Variants in CLEC16A observed in about 807,000 individuals in gnomAD.
The protein encoded by CLEC16A is protein CLEC16A.
A neutral mutation model predicts 109.5 loss-of-function variants in CLEC16A; 51 were observed. The observed-to-expected ratio is 0.47, with a 90% CI of 0.37 to 0.59. The LOEUF is 0.59. CLEC16A is among the 20% of genes least tolerant of loss of function. The pLI, the probability that CLEC16A is intolerant of heterozygous loss-of-function variation, is 0.00. For synonymous variants in CLEC16A, 673 were observed against 564.2 expected, an observed-to-expected ratio of 1.19 and a Z score of -2.73; for missense variants, 1,339 against 1,394.0, an observed-to-expected ratio of 0.96 and a Z score of 0.63.
At chr16:11,027,732 C>T (rs192008310) in intron 13 of CLEC16A, 33 of 1,568,214 alleles carry the variant, frequency 2.1e-5, no homozygotes, top group Middle Eastern at 2.3e-4. Context: ...TCGGGGTGAA[C>T]GCATCAATCA....
chr16:10,976,464 C>A (rs764631529), intron 7 of CLEC16A, among the ~76,000 whole-genome samples: 1 of 151,430 alleles, frequency 6.6e-6, no homozygotes, highest in South Asian at 2.1e-4. Flanking sequence ...GGTTATAAGT[C>A]CCAAAATGTT....
intron 19 of CLEC16A, among the ~76,000 whole-genome samples, chr16:11,077,903 G>C (rs938412048): frequency 6.6e-6 from 1 of 151,936 alleles, no homozygotes; most frequent in Non-Finnish European, 1.5e-5. Context: ...CGGATCACTT[G>C]AGGCTAGGAG....
intron 17 of CLEC16A, chr16:11,047,745 G>T (rs1028731686): frequency 1.7e-4 from 26 of 153,678 alleles, no homozygotes; most frequent in Admixed American, 4.6e-4. Flanking sequence ...ATACTGCTAC[G>T]CAGAAATACC....
intron 10 of CLEC16A, among the ~76,000 whole-genome samples, chr16:10,989,949 G>A (rs138636058): frequency 7.2e-5 from 11 of 152,326 alleles, no homozygotes; most frequent in Admixed American, 1.3e-4. Context: ...AGGCAGGATA[G>A]CACCCCTTCC....
intron 19 of CLEC16A, among the ~76,000 whole-genome samples, chr16:11,077,518 G>A (rs578129733): frequency 1.3e-5 from 2 of 151,090 alleles, no homozygotes; most frequent in Admixed American, 1.3e-4. Context: ...TTAGCCAGGC[G>A]TAGTGGCGTG....
intron 11 of CLEC16A, among the ~76,000 whole-genome samples, chr16:11,010,369 T>C (rs1341965608): frequency 6.6e-6 from 1 of 152,216 alleles, no homozygotes; most frequent in African/African-American, 2.4e-5. Flanking sequence ...ATTTTTGTAG[T>C]TGCTTTCTAT....
intron 11 of CLEC16A, among the ~76,000 whole-genome samples, chr16:11,007,908 G>C (rs2045133590): frequency 6.6e-6 from 1 of 152,156 alleles, no homozygotes; most frequent in Non-Finnish European, 1.5e-5. Flanking sequence ...CAGGTTTTCA[G>C]ATGGGCTTAA....
intron 13 of CLEC16A, chr16:11,027,156 A>C (rs1223299730): frequency 7.0e-7 from 1 of 1,434,390 alleles, no homozygotes; most frequent in Non-Finnish European, 9.7e-7. Context: ...GAAGAAAGGA[A>C]AAGGGCTCAG....
chr16:10,976,568 G>A (rs1467160300), intron 7 of CLEC16A, among the ~76,000 whole-genome samples: 1 of 152,170 alleles, frequency 6.6e-6, no homozygotes, highest in African/African-American at 2.4e-5. Flanking sequence ...TCATCTATCA[G>A]TTGGGTAATA....
chr16:10,952,536 C>A (rs2041788508), intron 1 of CLEC16A, among the ~76,000 whole-genome samples: 1 of 152,206 alleles, frequency 6.6e-6, no homozygotes, highest in South Asian at 2.1e-4. Flanking sequence ...ATGTTTATAT[C>A]TCTGAGGTGG....
rs527819406 is a variant in CLEC16A, at chr16:10,949,790, G to A, written c.80+4993G>A. On this transcript the variant is annotated intron_variant, in intron 1 of 23. Transcript: ENST00000409790. Reference sequence around the variant, plus strand: ...GGGCCTCCACATGTGTTGGTGGGGCGGGGAGCAGGGGCTCTGCTGCCGTCC... The same window carrying A: ...GGGCCTCCACATGTGTTGGTGGGGCAGGGAGCAGGGGCTCTGCTGCCGTCC... 4.6e-5 allele frequency among the ~76,000 whole-genome samples: 7 copies of A among 152,308 alleles called. No individual in the cohort carries two copies. In the East Asian group the frequency reaches 9.7e-4, roughly 21 times the overall value.
intron 22 of CLEC16A, chr16:11,157,381 G>A (rs1216016124): frequency 1.7e-5 from 5 of 296,284 alleles, no homozygotes; most frequent in Non-Finnish European, 2.3e-5. Flanking sequence ...TTCAGCACCA[G>A]TGCACAGGAA....
rs2042260016 is a variant in CLEC16A, at chr16:10,961,825, A to G, written c.210-630A>G. 6.6e-6 allele frequency among the ~76,000 whole-genome samples: 1 copy of G among 152,086 alleles called. No individual in the cohort carries two copies. Among genetic ancestry groups the G allele is most frequent in the East Asian group, 1.9e-4 (1 of 5,198 alleles). ...TCTTCTGTTGTTTTTACGACCCTGA[A>G]AGTTTTGAGAAATGCTGGCCAGGTC... On this transcript the variant is annotated intron_variant, in intron 2 of 23. Transcript: ENST00000409790. This position sits in a 1 kb window ranked among gnomAD's most constrained non-coding sequence, Gnocchi z 4.3.
chr16:11,112,495 C>CAAAAAA lies in CLEC16A; in HGVS notation c.2117-8105_2117-8100dup, dbSNP rs984574100. Among the ~76,000 whole-genome samples, 132 of 85,532 alleles carry CAAAAAA rather than the reference C, an allele frequency of 1.5e-3. 1 individual carries two copies. The highest frequency in any genetic ancestry group is 5.0e-3 in the African/African-American group (119 of 23,626). The allele number at this position is 85,532 out of a possible 152,430, so 56.1% of individuals were successfully genotyped here. The stretch of plus-strand genomic sequence containing the variant: ...ACAACATAGCAAGATCCTATCTCTA[C>CAAAAAA]AAAAAAAAAAAAAAAAAAAAGATTA... On this transcript the variant is annotated intron_variant, in intron 19 of 23. Coordinates refer to ENST00000409790, the MANE Select transcript of CLEC16A (RefSeq NM_015226.3).
chr16:10,966,767 G>A (rs13338762), intron 3 of CLEC16A, among the ~76,000 whole-genome samples: 5 of 152,148 alleles, frequency 3.3e-5, no homozygotes, highest in African/African-American at 4.8e-5. Context: ...TCACTATCAC[G>A]AGAACAGGAT....
At chr16:11,030,234 A>G (rs1311015753) in intron 13 of CLEC16A, among the ~76,000 whole-genome samples, 1 of 152,218 alleles carries the variant, frequency 6.6e-6, no homozygotes, top group Non-Finnish European at 1.5e-5. Flanking sequence ...TTGTATGAGC[A>G]TATACATTCT....
chr16:11,051,331 G>A (rs531094494), intron 17 of CLEC16A, among the ~76,000 whole-genome samples, 182 bp from the exon 18 acceptor site: 8 of 152,294 alleles, frequency 5.3e-5, no homozygotes, highest in African/African-American at 1.9e-4. Context: ...AAAACCAAAA[G>A]GCATATTGCT....
intron 21 of CLEC16A, among the ~76,000 whole-genome samples, chr16:11,125,691 T>A (rs1465620444): frequency 1.3e-5 from 2 of 152,230 alleles, no homozygotes; most frequent in Admixed American, 1.3e-4. Flanking sequence ...AAGTGGAAAT[T>A]GACCCAGCTT....
Position 11,178,357 on chromosome 16 carries a change from G to A in CLEC16A, c.2829G>A (p.Leu943=). 3.7e-6 allele frequency: 6 copies of A among 1,612,866 alleles called. No homozygotes were observed. Among genetic ancestry groups the A allele is most frequent in the Admixed American group, 1.7e-5 (1 of 59,972 alleles). Residue 943 remains leucine (L), a synonymous_variant, in exon 24 of 24, where the codon CTG becomes CTA. Coordinates refer to ENST00000409790, the MANE Select transcript of CLEC16A (RefSeq NM_015226.3). The surrounding 1 kb of genome is among the most constrained non-coding windows in gnomAD (Gnocchi z 6.5). The part of the protein sequence containing the change: ...SPADAPMSPE[L]PKPHLPDQLV... ...CAGATGCCCCCATGAGTCCAGAACT[G>A]CCTAAGCCTCACCTTCCTGACCAGT...
Sources: gnomAD v4.1 joint callset for allele counts (sites outside exome capture counted in the v4.1 genomes callset) on GRCh38, gnomAD v4.1.1 for gene constraint, Gnocchi (gnomAD v3.1) non-coding constraint, MANE v1.5 for transcripts, NCBI Gene and HGNC (gene_info 2026-07-23, HGNC 2026-07-21) for gene names.